Variants in COL12A1 observed in about 807,000 individuals in gnomAD.
COL12A1 encodes the protein collagen alpha-1(XII) chain.
COL12A1 carries 114 observed loss-of-function variants against 349.7 expected under a neutral mutation model. The observed-to-expected ratio is 0.33, with a 90% CI of 0.28 to 0.38. COL12A1 has a LOEUF of 0.38. Ranked by LOEUF, COL12A1 falls within the 10% of genes least tolerant of loss-of-function variation. The probability of loss-of-function intolerance (pLI) is 1.00; values close to 1 mark genes in which losing one functional copy is unlikely to be tolerated. For missense variants in COL12A1, 3,284 were observed against 3,756.9 expected (o/e 0.87, Z 3.29); for synonymous variants, 1,369 against 1,329.0 (o/e 1.03, Z -0.66).
chr6:75,144,023 T>C (rs1465387199), intron 25 of COL12A1, among the ~76,000 whole-genome samples: 1 of 152,234 alleles, frequency 6.6e-6, no homozygotes, highest in African/African-American at 2.4e-5. Context: ...CCCATTTGAC[T>C]AGTTTAACTT....
chr6:75,187,267 G>GT (rs1769675500), intron 8 of COL12A1, among the ~76,000 whole-genome samples: 1 of 151,590 alleles, frequency 6.6e-6, no homozygotes, highest in African/African-American at 2.4e-5. Flanking sequence ...TACAGAGGCA[G>GT]TACAGGCTAG....
At position 75,091,486 on chromosome 6, in the gene COL12A1, A is replaced by G. The variant is rs996988585; in HGVS notation, c.8685+4T>C. The G allele has an allele frequency of 1.9e-6, 3 of 1,612,998 alleles. No individual in the cohort carries two copies. The highest frequency in any genetic ancestry group is 2.5e-6 in the Non-Finnish European group (3 of 1,179,732). The stretch of plus-strand genomic sequence containing the variant: ...TAAACGTAAGATTTTTTAAAAATAC[A>G]TACCCTATCACCTTTTTCTCCTTTC... On this transcript the variant is annotated splice_donor_region_variant and intron_variant, in intron 61 of 65. Coordinates refer to ENST00000322507, the MANE Select transcript of COL12A1 (RefSeq NM_004370.6).
chr6:75,120,207 GT>G (rs1230291893), intron 44 of COL12A1, among the ~76,000 whole-genome samples: 2 of 152,074 alleles, frequency 1.3e-5, no homozygotes, highest in African/African-American at 4.8e-5. Flanking sequence ...TTGAATTAAT[GT>G]GGTTAAATTA....
chr6:75,138,187 TA>T, intron 30 of COL12A1, 132 bp downstream of exon 30: 2 of 976,634 alleles, frequency 2.0e-6, no homozygotes, highest in Non-Finnish European at 3.0e-6. Context: ...AAAGCCTATG[TA>T]AAAGAGTTCT....
Position 75,147,815 on chromosome 6 carries a change from A to C in COL12A1, c.4288-11T>G. ...TCGACTCACATAAAACTAGGGGGAAAAATTAAACAGAGCAACAACGTATGT... is the reference window on the plus strand; with the variant it reads ...TCGACTCACATAAAACTAGGGGGAACAATTAAACAGAGCAACAACGTATGT... On this transcript the variant is annotated splice_polypyrimidine_tract_variant and intron_variant, in intron 22 of 65. Coordinates refer to ENST00000322507, the MANE Select transcript of COL12A1 (RefSeq NM_004370.6). The C allele has an allele frequency of 6.2e-7, 1 of 1,611,210 alleles. No homozygotes were observed. The highest frequency in any genetic ancestry group is 8.5e-7 in the Non-Finnish European group (1 of 1,179,038).
Position 75,090,069 on chromosome 6 carries a change from AT to A in COL12A1, c.8941+40del. ...CCTGTCCCAACTCCTACATTTGCAA[AT>A]TCCTTCCTTTATCCCAATACAGAAG... On this transcript the variant is annotated intron_variant, in intron 63 of 65. Coordinates refer to ENST00000322507, the MANE Select transcript of COL12A1 (RefSeq NM_004370.6). This position sits in a 1 kb window ranked among gnomAD's most constrained non-coding sequence, Gnocchi z 4.1. The A allele has an allele frequency of 6.2e-7, 1 of 1,603,698 alleles. No homozygotes were observed. The highest frequency in any genetic ancestry group is 1.3e-5 in the African/African-American group (1 of 74,634).
At position 75,142,123 on chromosome 6, in the gene COL12A1, T is replaced by C. The variant is rs1386682796; in HGVS notation, c.4866A>G (p.Lys1622=). 2 of 1,614,150 alleles carry C rather than the reference T, an allele frequency of 1.2e-6. No homozygotes were observed. The highest frequency in any genetic ancestry group is 1.3e-5 in the African/African-American group (1 of 75,050). Residue 1622 remains lysine, a synonymous_variant, in exon 27 of 66, where the codon AAA becomes AAG. Transcript: ENST00000322507. ...TGTACAAGGTCTGTGAGAAGAGGTC[T>C]TTGAGGGAAGTGCTGGTCTCTGATC... The part of the protein sequence containing the change: ...VDRSETSTSL[K]DLFSQTLYTV...
intron 46 of COL12A1, 64 bp from the exon 47 acceptor site, chr6:75,117,610 T>A: frequency 8.5e-6 from 13 of 1,528,894 alleles, no homozygotes; most frequent in Middle Eastern, 1.8e-4. Context: ...GTTAGAACAA[T>A]GCAAAAAAAT....
At chr6:75,190,752 C>G (rs926551191) in intron 5 of COL12A1, among the ~76,000 whole-genome samples, 2 of 151,794 alleles carry the variant, frequency 1.3e-5, no homozygotes, top group Non-Finnish European at 2.9e-5. Flanking sequence ...GGAGAGGGTG[C>G]TGAAAAATTT....
intron 8 of COL12A1, among the ~76,000 whole-genome samples, chr6:75,186,917 T>C (rs1769654318): frequency 6.6e-6 from 1 of 151,792 alleles, no homozygotes; most frequent in South Asian, 2.1e-4. Flanking sequence ...GGCTAAATGA[T>C]GAGAACATAT....
chr6:75,149,973 A>T (rs1242082096), intron 21 of COL12A1, among the ~76,000 whole-genome samples: 1 of 152,140 alleles, frequency 6.6e-6, no homozygotes, highest in Admixed American at 6.6e-5. Context: ...CTATTTCTCC[A>T]GGGAAAAGGT....
At chr6:75,135,038 A>C (rs1766516354) in intron 31 of COL12A1, among the ~76,000 whole-genome samples, 183 bp from the exon 32 acceptor site, 1 of 152,178 alleles carries the variant, frequency 6.6e-6, no homozygotes, top group Non-Finnish European at 1.5e-5. Flanking sequence ...ATGCACCTCA[A>C]ATCATAAAAA....
At chr6:75,132,757 T>C (rs1213934184) in intron 34 of COL12A1, among the ~76,000 whole-genome samples, 1 of 152,192 alleles carries the variant, frequency 6.6e-6, no homozygotes, top group Non-Finnish European at 1.5e-5. Flanking sequence ...TATCAGCAAG[T>C]ATATTTTTAA....
intron 13 of COL12A1, among the ~76,000 whole-genome samples, chr6:75,166,806 T>C (rs1005394798): frequency 1.3e-5 from 2 of 152,144 alleles, no homozygotes; most frequent in Non-Finnish European, 2.9e-5. Flanking sequence ...GCAGTCATAA[T>C]TTAACAATTA....
chr6:75,194,027 A>G (rs1770093025), intron 3 of COL12A1, among the ~76,000 whole-genome samples: 2 of 152,266 alleles, frequency 1.3e-5, no homozygotes, highest in East Asian at 3.9e-4. Flanking sequence ...AATAAGTGCC[A>G]CAATGAACAT....
intron 11 of COL12A1, among the ~76,000 whole-genome samples, chr6:75,180,173 C>A (rs1444149260): frequency 6.6e-6 from 1 of 152,120 alleles, no homozygotes; most frequent in Non-Finnish European, 1.5e-5. Flanking sequence ...ATTATTCAAC[C>A]ATAAGTAGAG....
intron 58 of COL12A1, among the ~76,000 whole-genome samples, chr6:75,100,900 C>G (rs189274872): frequency 6.6e-6 from 1 of 152,284 alleles, no homozygotes; most frequent in Non-Finnish European, 1.5e-5. Flanking sequence ...TTCCTTTGTT[C>G]TGAGAAACTC....
intron 60 of COL12A1, 43 bp from the exon 61 acceptor site, chr6:75,091,568 C>G: frequency 6.3e-7 from 1 of 1,577,644 alleles, no homozygotes; most frequent in Non-Finnish European, 8.7e-7. Context: ...GACAAACATA[C>G]TCTAAAATGA....
At chr6:75,151,407 T>C in intron 20 of COL12A1, 120 bp from the exon 21 acceptor site, 1 of 778,616 alleles carries the variant, frequency 1.3e-6, no homozygotes, top group Non-Finnish European at 2.0e-6. Context: ...GAAGGTTTAA[T>C]AATTAGTTAA....
Sources: gnomAD v4.1 joint callset for allele counts (sites outside exome capture counted in the v4.1 genomes callset) on GRCh38, gnomAD v4.1.1 for gene constraint, Gnocchi (gnomAD v3.1) non-coding constraint, MANE v1.5 for transcripts, NCBI Gene and HGNC (gene_info 2026-07-23, HGNC 2026-07-21) for gene names.